Variants in CABIN1 observed in about 807,000 individuals in gnomAD.
CABIN1 encodes the protein calcineurin-binding protein cabin-1.
CABIN1 carries 133 observed loss-of-function variants against 227.7 expected under a neutral mutation model. The ratio of observed to expected loss-of-function variants is 0.58; its 90% CI spans 0.51 to 0.67. The LOEUF is 0.67. CABIN1 is among the 30% of genes least tolerant of loss of function. The probability of loss-of-function intolerance (pLI) is 0.00; values close to 1 mark genes in which losing one functional copy is unlikely to be tolerated. For missense variants in CABIN1, 2,408 were observed against 2,852.5 expected, an observed-to-expected ratio of 0.84 and a Z score of 3.55; for synonymous variants, 1,086 against 1,155.1, an observed-to-expected ratio of 0.94 and a Z score of 1.21.
intron 1 of CABIN1, among the ~76,000 whole-genome samples, chr22:24,018,687 A>G (rs2035482256): frequency 1.3e-5 from 2 of 152,166 alleles, no homozygotes; most frequent in South Asian, 2.1e-4. Flanking sequence ...GGCTTTGTAC[A>G]GTAGGTTTTA....
intron 1 of CABIN1, among the ~76,000 whole-genome samples, chr22:24,034,995 G>A (rs910184063): frequency 6.6e-6 from 1 of 151,884 alleles, no homozygotes; most frequent in African/African-American, 2.4e-5. Context: ...ATCACACCTC[G>A]CTCTCCCTGC....
At chr22:24,043,173 T>G (rs886306162) in intron 6 of CABIN1, 89 bp downstream of exon 6, 2 of 1,193,430 alleles carry the variant, frequency 1.7e-6, no homozygotes, top group Non-Finnish European at 2.5e-6. Flanking sequence ...AAAGCCAAAG[T>G]TAACACTGAA....
At chr22:24,053,957 G>A (rs897770617) in intron 8 of CABIN1, among the ~76,000 whole-genome samples, 3 of 152,306 alleles carry the variant, frequency 2.0e-5, no homozygotes, top group Non-Finnish European at 2.9e-5. Flanking sequence ...CTGAGGCACA[G>A]GCATTGGCTA....
chr22:24,053,679 T>C (rs1489016296), intron 8 of CABIN1, among the ~76,000 whole-genome samples: 1 of 152,182 alleles, frequency 6.6e-6, no homozygotes, highest in East Asian at 1.9e-4. Context: ...GTGCCCAGCC[T>C]GAAGCACTGT....
intron 26 of CABIN1, among the ~76,000 whole-genome samples, chr22:24,112,641 G>A (rs561937158): frequency 6.6e-6 from 1 of 152,232 alleles, no homozygotes; most frequent in South Asian, 2.1e-4. Flanking sequence ...ACTTAGGTGG[G>A]CTCTGTGTTC....
chr22:24,130,726 G>C (rs2044023117), intron 28 of CABIN1, among the ~76,000 whole-genome samples: 1 of 152,114 alleles, frequency 6.6e-6, no homozygotes, highest in African/African-American at 2.4e-5. Context: ...CCTATCTGGG[G>C]CCTCAGGCAT....
rs369651766 is a variant in CABIN1 at position 24,084,538 on chromosome 22, C to A, written c.2911-41C>A. On this transcript the variant is annotated intron_variant, in intron 20 of 36. Coordinates refer to ENST00000263119, the MANE Select transcript of CABIN1 (RefSeq NM_012295.4). ...AATGCAATTTTCCTTCTTCATTTAC[C>A]CTGAATGTGTTACTAATCTGCCTTC... The A allele has an allele frequency of 1.0e-3, 1,505 of 1,506,354 alleles. 1 individual carries two copies. Among genetic ancestry groups the A allele is most frequent in the Non-Finnish European group, 1.3e-3 (1,431 of 1,082,248 alleles). 93.3% of individuals were successfully genotyped at this position (1,506,354 alleles called of 1,614,324 possible).
chr22:24,166,639 G>C lies in CABIN1; in HGVS notation c.5008G>C (p.Gly1670Arg). Reference sequence around the variant, plus strand: ...CTTCTTACCTTTGGTTTCTTTGTAGGGGTCAGAACGCCCAGGGCCCAAGGT... The same window carrying C: ...CTTCTTACCTTTGGTTTCTTTGTAGCGGTCAGAACGCCCAGGGCCCAAGGT... ...LEDTLSELAE[G>R]SERPGPKVCG... Residue 1670 changes from glycine (G) to arginine (R), a missense_variant and splice_region_variant, in exon 32 of 37, where the codon GGG (glycine) becomes CGG (arginine). By Grantham distance (125) the Gly-to-Arg change is moderately radical (BLOSUM62 -2). Coordinates refer to ENST00000263119, the MANE Select transcript of CABIN1 (RefSeq NM_012295.4). 2 of 1,612,756 alleles carry C rather than the reference G, an allele frequency of 1.2e-6. No individual in the cohort carries two copies. Among genetic ancestry groups the C allele is most frequent in the Non-Finnish European group, 1.7e-6 (2 of 1,179,932 alleles).
At chr22:24,134,481 G>A in intron 29 of CABIN1, 66 bp downstream of exon 29, 1 of 1,355,232 alleles carries the variant, frequency 7.4e-7, no homozygotes, top group Non-Finnish European at 1.0e-6. Context: ...GAAGGCGCAT[G>A]AATTGACCCC....
chr22:24,041,063 G>A, intron 4 of CABIN1, 76 bp from the exon 5 acceptor site: 1 of 1,594,326 alleles, frequency 6.3e-7, no homozygotes, highest in Non-Finnish European at 8.6e-7. Context: ...AGGCCAGCCT[G>A]GAAGCCAAGT....
At chr22:24,035,616 C>A in intron 2 of CABIN1, 96 bp downstream of exon 2, 1 of 1,480,996 alleles carries the variant, frequency 6.8e-7, no homozygotes, top group Non-Finnish European at 9.4e-7. Context: ...ATTCTGAAGG[C>A]TCTTATTATG....
At chr22:24,108,598 A>G (rs139164280) in intron 26 of CABIN1, among the ~76,000 whole-genome samples, 22 of 152,312 alleles carry the variant, frequency 1.4e-4, no homozygotes, top group African/African-American at 4.6e-4. Flanking sequence ...CTGATGATCC[A>G]TCAGTTCCTG....
intron 5 of CABIN1, among the ~76,000 whole-genome samples, chr22:24,042,676 G>A (rs2037469013): frequency 6.6e-6 from 1 of 152,094 alleles, no homozygotes; most frequent in African/African-American, 2.4e-5. Flanking sequence ...GGAAACGTGC[G>A]ACTCCAGGAA....
In CABIN1 at chr22:24,168,461, T is replaced by G; in HGVS notation, c.5697T>G (p.Ala1899=). Residue 1899 remains alanine, a synonymous_variant, in exon 33 of 37, where the codon GCT becomes GCG. Coordinates refer to ENST00000263119, the MANE Select transcript of CABIN1 (RefSeq NM_012295.4). ...YMLIKQVDEE[A]ALEQAVKFCQ... ...TCCCTGTTAAGGTGGATGAGGAGGC[T>G]GCGCTGGAGCAGGCTGTGAAGTTCT... The G allele has an allele frequency of 6.4e-7, 1 of 1,572,138 alleles. No individual in the cohort carries two copies. The highest frequency in any genetic ancestry group is 1.2e-5 in the South Asian group (1 of 85,708).
chr22:24,045,304 A>G (rs2037778588), intron 6 of CABIN1, among the ~76,000 whole-genome samples: 1 of 152,108 alleles, frequency 6.6e-6, no homozygotes, highest in African/African-American at 2.4e-5. Flanking sequence ...GCTTATACCC[A>G]GTTCTAAAGC....
chr22:24,092,179 G>A (rs572414538), intron 24 of CABIN1, among the ~76,000 whole-genome samples: 1 of 152,264 alleles, frequency 6.6e-6, no homozygotes, highest in Admixed American at 6.5e-5. Flanking sequence ...ACACCCTGTA[G>A]CCTGGCAGGA....
rs1460922839 is a variant in CABIN1 at position 24,165,560 on chromosome 22, C to T, written c.4941C>T (p.Val1647=). 3.1e-6 allele frequency: 5 copies of T among 1,613,058 alleles called. No homozygotes were observed. Among genetic ancestry groups the T allele is most frequent in the South Asian group, 1.1e-5 (1 of 91,048 alleles). Residue 1647 remains valine, a synonymous_variant, in exon 31 of 37, where the codon GTC becomes GTT. Transcript: ENST00000263119. ...KKYLRDADRQ[V]LAQRAFILTV... Reference sequence around the variant, plus strand: ...ATCTGCGAGATGCTGACCGCCAGGTCCTGGCGCAGCGGGCCTTCATCCTCA... The same window carrying T: ...ATCTGCGAGATGCTGACCGCCAGGTTCTGGCGCAGCGGGCCTTCATCCTCA...
intron 28 of CABIN1, among the ~76,000 whole-genome samples, chr22:24,129,861 G>T (rs113198610): frequency 7.9e-5 from 12 of 152,202 alleles, no homozygotes; most frequent in Non-Finnish European, 1.8e-4. Flanking sequence ...GGGTTGGAGG[G>T]TATGGGGGAG....
At chr22:24,021,158 C>T (rs2035695276) in intron 1 of CABIN1, among the ~76,000 whole-genome samples, 1 of 151,800 alleles carries the variant, frequency 6.6e-6, no homozygotes, top group Admixed American at 6.6e-5. Context: ...TATCACCATG[C>T]CTGGCTAATT....
Sources: allele counts gnomAD v4.1 joint callset (sites outside exome capture counted in the v4.1 genomes callset), GRCh38; gene constraint gnomAD v4.1.1; transcripts MANE v1.5; gene names NCBI Gene and HGNC (gene_info 2026-07-23, HGNC 2026-07-21).